The following CTDP1 variants were observed in gnomAD, a reference collection of about 807,000 sequenced individuals.
The protein encoded by CTDP1 is RNA polymerase II subunit A C-terminal domain phosphatase.
CTDP1 carries 47 observed loss-of-function variants against 91.8 expected under a neutral mutation model. That is an observed-to-expected ratio of 0.51 (90% confidence interval 0.41 to 0.65). The LOEUF (loss-of-function observed/expected upper bound fraction) is 0.65, where lower values mean the gene tolerates loss of function less well. Among genes scored for constraint, CTDP1 ranks in the 30% least tolerant of loss-of-function variants. CTDP1 has a pLI of 0.00. For missense variants in CTDP1, 1,272 were observed against 1,373.7 expected, an observed-to-expected ratio of 0.93 and a Z score of 1.17; for synonymous variants, 656 against 598.5, an observed-to-expected ratio of 1.10 and a Z score of -1.40.
At chr18:79,677,791 T>A (rs1339870011), upstream of CTDP1, 4 of 151,860 alleles carry the variant, frequency 2.6e-5, no homozygotes, top group Non-Finnish European at 5.9e-5. Flanking sequence ...CCATGCTGAG[T>A]AGTGTGTCCT....
chr18:79,717,452 G>A (rs1272054240), intron 8 of CTDP1, 83 bp from the exon 9 acceptor site: 2 of 1,585,516 alleles, frequency 1.3e-6, no homozygotes, highest in East Asian at 2.2e-5. Flanking sequence ...AGCCAGGTGA[G>A]GGCCCTGGTG....
chr18:79,747,650 T>G (rs1183622895), intron 12 of CTDP1, among the ~76,000 whole-genome samples: 1 of 152,226 alleles, frequency 6.6e-6, no homozygotes, highest in Non-Finnish European at 1.5e-5. Flanking sequence ...CACGTTCCAC[T>G]CCAGGGTGCA....
chr18:79,680,201 C>T lies in CTDP1; in HGVS notation c.254C>T (p.Ser85Leu), dbSNP rs915649307. The change falls in exon 1 of 13, where the codon TCG becomes TTG. Residue 85 changes from serine (S) to leucine (L), a missense_variant. By Grantham distance (145) the Ser-to-Leu change is moderately radical. Around this residue, in one of 3 missense-constraint regions of CTDP1, gnomAD observed 214 missense variants for 179.1 expected, o/e 1.19. Coordinates refer to ENST00000613122, the MANE Select transcript of CTDP1 (RefSeq NM_004715.5). ...GCGCGGCCGGAACGCAGGCTGAGGTCGGAGCGCGCGGGCGTGGTGCGGGAG... is the reference window on the plus strand; with the variant it reads ...GCGCGGCCGGAACGCAGGCTGAGGTTGGAGCGCGCGGGCGTGGTGCGGGAG... ...RPARPERRLR[S>L]ERAGVVRELC... 1 of 1,375,494 alleles carries T rather than the reference C, an allele frequency of 7.3e-7. No individual in the cohort carries two copies. Among genetic ancestry groups the T allele is most frequent in the Admixed American group, 3.5e-5 (1 of 28,580 alleles). The allele number at this position is 1,375,494 out of a possible 1,614,324, so 85.2% of individuals were successfully genotyped here. A position where few individuals can be genotyped will look rare whatever the true frequency, so the allele number is the denominator to read the frequency against.
At chr18:79,743,494 C>G (rs974261721) in intron 12 of CTDP1, among the ~76,000 whole-genome samples, 2 of 147,502 alleles carry the variant, frequency 1.4e-5, no homozygotes. Context: ...CCACTACACT[C>G]CACCCTGGAC....
In CTDP1 at chr18:79,715,360, C is replaced by A; in HGVS notation, c.1900C>A (p.Leu634Met). ...CGTGCCGGAGCTCAAGAGCAAGGTG[C>A]TGGCAGACGTGGCCATAATTTTCAG... ...KIVPELKSKV[L>M]ADVAIIFSGL... Residue 634 changes from leucine (L) to methionine (M), a missense_variant, in exon 8 of 13, where the codon CTG becomes ATG. By Grantham distance (15) the Leu-to-Met change is conservative. Around this residue, in one of 3 missense-constraint regions of CTDP1, gnomAD observed 881 missense variants for 911.6 expected, o/e 0.97. Coordinates refer to ENST00000613122, the MANE Select transcript of CTDP1 (RefSeq NM_004715.5). The A allele has an allele frequency of 6.2e-7, 1 of 1,608,676 alleles. No individual in the cohort carries two copies. The highest frequency in any genetic ancestry group is 8.5e-7 in the Non-Finnish European group (1 of 1,177,534).
chr18:79,749,572 G>T (rs1433642894), intron 12 of CTDP1, among the ~76,000 whole-genome samples: 2 of 151,622 alleles, frequency 1.3e-5, no homozygotes, highest in Non-Finnish European at 2.9e-5. Context: ...GACCTGAGAG[G>T]GCACTTCGGC....
At chr18:79,738,321 A>G (rs1397962647) in intron 12 of CTDP1, among the ~76,000 whole-genome samples, 3 of 152,210 alleles carry the variant, frequency 2.0e-5, no homozygotes, top group African/African-American at 4.8e-5. Flanking sequence ...GGTCCTGCCG[A>G]CATCCTCAGT....
intron 1 of CTDP1, among the ~76,000 whole-genome samples, chr18:79,686,105 A>AT (rs1167235312): frequency 2.0e-5 from 3 of 152,074 alleles, no homozygotes; most frequent in Non-Finnish European, 4.4e-5. Context: ...TTCGTCTGTG[A>AT]TTTACCTTTG....
chr18:79,693,612 ACT>A (rs2085668745), intron 1 of CTDP1, among the ~76,000 whole-genome samples: 1 of 152,142 alleles, frequency 6.6e-6, no homozygotes, highest in Admixed American at 6.5e-5. Flanking sequence ...TTGCACATGC[ACT>A]GTGTACGCAC....
At chr18:79,742,986 A>G (rs2086808947) in intron 12 of CTDP1, among the ~76,000 whole-genome samples, 1 of 152,156 alleles carries the variant, frequency 6.6e-6, no homozygotes, top group South Asian at 2.1e-4. Flanking sequence ...TTTGTACCTA[A>G]TTGTATTGTT....
chr18:79,697,523 C>T (rs184041075), intron 3 of CTDP1, among the ~76,000 whole-genome samples: 17 of 152,362 alleles, frequency 1.1e-4, no homozygotes, highest in East Asian at 3.9e-4. Flanking sequence ...GTCTCCCAGC[C>T]GGCCGACTTG....
intron 5 of CTDP1, 84 bp downstream of exon 5, chr18:79,705,001 A>G: frequency 1.3e-6 from 2 of 1,590,038 alleles, no homozygotes; most frequent in South Asian, 2.2e-5. Context: ...AGATGAAGAA[A>G]GAAAAGAAGC....
At position 79,717,959 on chromosome 18, in the gene CTDP1, G is replaced by C; in HGVS notation, c.2360G>C (p.Arg787Pro). ...NTGKLIRTGA[R>P]GPPAPSSSLP... ...GGGAAGCTCATCAGGACGGGCGCCC[G>C]GGGGCCCCCAGCACCCTCCAGCTCC... Residue 787 changes from arginine to proline, a missense_variant, in exon 10 of 13, where the codon CGG (arginine) becomes CCG (proline). Around this residue, in one of 3 missense-constraint regions of CTDP1, gnomAD observed 881 missense variants for 911.6 expected, o/e 0.97. Transcript: ENST00000613122. The C allele has an allele frequency of 6.2e-7, 1 of 1,613,160 alleles. No homozygotes were observed. Among genetic ancestry groups the C allele is most frequent in the Middle Eastern group, 1.6e-4 (1 of 6,062 alleles).
chr18:79,729,843 G>T (rs188686818), intron 11 of CTDP1, among the ~76,000 whole-genome samples: 3 of 152,280 alleles, frequency 2.0e-5, no homozygotes, highest in African/African-American at 7.2e-5. Flanking sequence ...GCCTGTGTGG[G>T]GTGCTCACCT....
intron 1 of CTDP1, among the ~76,000 whole-genome samples, chr18:79,690,407 A>G (rs2085596094): frequency 6.6e-6 from 1 of 152,190 alleles, no homozygotes; most frequent in Non-Finnish European, 1.5e-5. Context: ...GAAAACATTT[A>G]TTGGTGACTG....
chr18:79,700,024 C>G (rs933360629), intron 4 of CTDP1, among the ~76,000 whole-genome samples: 1 of 152,076 alleles, frequency 6.6e-6, no homozygotes, highest in African/African-American at 2.4e-5. Context: ...TTTTGGGGTG[C>G]CACGAACCAC....
intron 1 of CTDP1, among the ~76,000 whole-genome samples, chr18:79,691,175 C>T (rs2085612723): frequency 6.6e-6 from 1 of 152,222 alleles, no homozygotes; most frequent in African/African-American, 2.4e-5. Context: ...GCACCTCCGT[C>T]TTGCAGTCGC....
chr18:79,687,570 TCTC>T, intron 1 of CTDP1, among the ~76,000 whole-genome samples: 1 of 150,010 alleles, frequency 6.7e-6, no homozygotes, highest in Non-Finnish European at 1.5e-5. Context: ...GCAGTTGGCT[TCTC>T]CAGTTCACTG....
upstream of CTDP1, among the ~76,000 whole-genome samples, chr18:79,676,919 T>C (rs561371430): frequency 6.6e-6 from 1 of 152,360 alleles, no homozygotes; most frequent in East Asian, 1.9e-4. Flanking sequence ...TTTCATTGGC[T>C]GTATAGCATC....
Sources: gnomAD v4.1 joint callset for allele counts (sites outside exome capture counted in the v4.1 genomes callset) on GRCh38, gnomAD v4.1.1 for gene constraint, gnomAD v4.1.1 regional missense constraint, MANE v1.5 for transcripts, NCBI Gene and HGNC (gene_info 2026-07-23, HGNC 2026-07-21) for gene names.